The following UBXN7 variants were observed in gnomAD, a reference collection of about 807,000 sequenced individuals.
UBXN7 encodes the protein UBX domain protein 7, also known as UBX domain-containing protein 7.
UBXN7 carries 9 observed loss-of-function variants against 58.0 expected under a neutral mutation model. That is an observed-to-expected ratio of 0.16 (90% confidence interval 0.09 to 0.27). The LOEUF is 0.27. UBXN7 is among the 10% of genes least tolerant of loss of function. UBXN7 has a pLI of 1.00. For synonymous variants in UBXN7, 208 were observed against 205.0 expected (o/e 1.01, Z -0.12); for missense variants, 328 against 599.6 (o/e 0.55, Z 4.73).
chr3:196,399,236 G>A (rs1729879768), intron 3 of UBXN7, among the ~76,000 whole-genome samples: 1 of 152,142 alleles, frequency 6.6e-6, no homozygotes, highest in African/African-American at 2.4e-5. Flanking sequence ...CAAGGATCAG[G>A]ATTTAATGAA....
intron 5 of UBXN7, among the ~76,000 whole-genome samples, chr3:196,375,911 C>A (rs2108836241): frequency 6.6e-6 from 1 of 152,312 alleles, no homozygotes; most frequent in East Asian, 1.9e-4. Context: ...TGCCTGTAAT[C>A]CCATCTACTT....
chr3:196,397,093 C>G (rs900937277), intron 3 of UBXN7, among the ~76,000 whole-genome samples: 1 of 152,178 alleles, frequency 6.6e-6, no homozygotes, highest in Non-Finnish European at 1.5e-5. Context: ...CACCTCTAGC[C>G]CTAAGACTAT....
intron 3 of UBXN7, among the ~76,000 whole-genome samples, chr3:196,398,486 A>G (rs11185536): frequency 0.13 from 19,371 of 152,224 alleles, 1,474 homozygotes; most frequent in South Asian, 0.2. Context: ...TCAAATATTA[A>G]TGGTTTCATT....
chr3:196,423,454 CT>C, intron 1 of UBXN7: 1 of 266,792 alleles, frequency 3.7e-6, no homozygotes, highest in Non-Finnish European at 7.7e-6. Flanking sequence ...CACTGTGCCT[CT>C]TTTCTTGGCT....
chr3:196,402,889 A>G, intron 3 of UBXN7, 63 bp downstream of exon 3: 3 of 1,536,850 alleles, frequency 2.0e-6, no homozygotes, highest in Non-Finnish European at 2.6e-6. Flanking sequence ...ACATCTTTTG[A>G]TGGTTTCATT....
chr3:196,385,456 G>A (rs1197537757), intron 5 of UBXN7, among the ~76,000 whole-genome samples: 9 of 152,024 alleles, frequency 5.9e-5, no homozygotes, highest in Non-Finnish European at 5.9e-5. Flanking sequence ...CCTCTGCCCG[G>A]CCGTCATCCC....
At chr3:196,399,160 A>G (rs2108849974) in intron 3 of UBXN7, among the ~76,000 whole-genome samples, 2 of 152,340 alleles carry the variant, frequency 1.3e-5, no homozygotes, top group African/African-American at 4.8e-5. Context: ...TAATCATAGT[A>G]CTTCATTATG....
At chr3:196,431,086 A>G (rs1405312640) in intron 1 of UBXN7, among the ~76,000 whole-genome samples, 1 of 152,244 alleles carries the variant, frequency 6.6e-6, no homozygotes, top group African/African-American at 2.4e-5. Context: ...ATAAAACGGT[A>G]ACTAGTATAC....
In UBXN7 at chr3:196,382,845, A is replaced by G. The variant is rs148174005; in HGVS notation, c.468+8968T>C. ...AAAATGCAGGGGTTGGCCGGGCACAATGGCTCATGCCTGTAATCCCAGCAC... is the reference window on the plus strand; with the variant it reads ...AAAATGCAGGGGTTGGCCGGGCACAGTGGCTCATGCCTGTAATCCCAGCAC... On this transcript the variant is annotated intron_variant, in intron 5 of 10. Coordinates refer to ENST00000296328, the MANE Select transcript of UBXN7 (RefSeq NM_015562.2). 3.6e-3 allele frequency among the ~76,000 whole-genome samples: 552 copies of G among 152,212 alleles called. 20 individuals carry two copies. The South Asian group carries it at 0.074, about 20-fold the overall frequency.
chr3:196,432,317 C>T lies in UBXN7; in HGVS notation c.73+10G>A, dbSNP rs367802560. 5.6e-6 allele frequency: 9 copies of T among 1,613,270 alleles called. No individual in the cohort carries two copies. The African/African-American group carries it at 8.0e-5, about 14-fold the overall frequency. On this transcript the variant is annotated intron_variant, in intron 1 of 10. Transcript: ENST00000296328. Reference sequence around the variant, plus strand: ...CCCACTCTCCACCTTCCGGTAACCGCGTCTCTTACCGGTAATGGTGGTGAA... The same window carrying T: ...CCCACTCTCCACCTTCCGGTAACCGTGTCTCTTACCGGTAATGGTGGTGAA...
chr3:196,366,183 G>A (rs887886064), intron 8 of UBXN7, among the ~76,000 whole-genome samples: 2 of 152,074 alleles, frequency 1.3e-5, no homozygotes, highest in Non-Finnish European at 2.9e-5. Flanking sequence ...TTTATTATAG[G>A]TGATAACTGA....
intron 5 of UBXN7, among the ~76,000 whole-genome samples, chr3:196,383,895 G>A (rs1435049633): frequency 1.3e-5 from 2 of 152,042 alleles, no homozygotes; most frequent in Non-Finnish European, 2.9e-5. Flanking sequence ...AAGAACTAGA[G>A]AAGCAAGAGC....
In UBXN7 at chr3:196,386,832, G is replaced by A. The variant is rs116016473; in HGVS notation, c.468+4981C>T. Reference sequence around the variant, plus strand: ...ATGCCAACCCCATGAAGTTACCAACGACTTTCTTCACAGAACTGGAAAAAA... The same window carrying A: ...ATGCCAACCCCATGAAGTTACCAACAACTTTCTTCACAGAACTGGAAAAAA... On this transcript the variant is annotated intron_variant, in intron 5 of 10. Coordinates refer to ENST00000296328, the MANE Select transcript of UBXN7 (RefSeq NM_015562.2). Among the ~76,000 whole-genome samples, 168 of 152,234 alleles carry A rather than the reference G, an allele frequency of 1.1e-3. 2 individuals carry two copies. The highest frequency in any genetic ancestry group is 3.2e-3 in the African/African-American group (133 of 41,524).
chr3:196,412,430 T>A (rs1211659865), intron 1 of UBXN7, among the ~76,000 whole-genome samples: 2 of 151,852 alleles, frequency 1.3e-5, no homozygotes, highest in East Asian at 3.9e-4. Flanking sequence ...AAACAAAAAA[T>A]AACAAGTGTG....
At chr3:196,390,689 T>G (rs1196594740) in intron 5 of UBXN7, among the ~76,000 whole-genome samples, 1 of 146,604 alleles carries the variant, frequency 6.8e-6, no homozygotes, top group African/African-American at 2.6e-5. Context: ...TGCAGTGAGC[T>G]GAGATCGTGC....
intron 1 of UBXN7, among the ~76,000 whole-genome samples, chr3:196,416,511 C>T (rs1730491892): frequency 6.6e-6 from 1 of 152,158 alleles, no homozygotes; most frequent in African/African-American, 2.4e-5. Flanking sequence ...CTTTCTACCA[C>T]CCTTCATCTA....
At chr3:196,381,297 G>T (rs1325331510) in intron 5 of UBXN7, among the ~76,000 whole-genome samples, 1 of 152,232 alleles carries the variant, frequency 6.6e-6, no homozygotes, top group South Asian at 2.1e-4. Context: ...GGCTCAGGCA[G>T]CAATATTTGC....
At chr3:196,394,646 T>C (rs1032930166) in intron 3 of UBXN7, among the ~76,000 whole-genome samples, 1 of 151,922 alleles carries the variant, frequency 6.6e-6, no homozygotes, top group Non-Finnish European at 1.5e-5. Context: ...CAAGTGGTGA[T>C]ATCAGGAAGA....
chr3:196,419,444 G>A (rs1206348925), intron 1 of UBXN7, among the ~76,000 whole-genome samples: 2 of 152,110 alleles, frequency 1.3e-5, no homozygotes, highest in Non-Finnish European at 2.9e-5. Context: ...GCTAAATCTT[G>A]GTTAAGTCTG....
Sources: gnomAD v4.1 joint callset for allele counts (sites outside exome capture counted in the v4.1 genomes callset) on GRCh38, gnomAD v4.1.1 for gene constraint, MANE v1.5 for transcripts, NCBI Gene and HGNC (gene_info 2026-07-23, HGNC 2026-07-21) for gene names.